The following NEGR1 variants were observed in gnomAD, a reference collection of about 807,000 sequenced individuals.
NEGR1 encodes the protein neuronal growth regulator 1, also known as IgLON family member 4.
NEGR1 carries 10 observed loss-of-function variants against 40.9 expected under a neutral mutation model. The ratio of observed to expected loss-of-function variants is 0.24; its 90% confidence interval spans 0.15 to 0.42. NEGR1 has a LOEUF of 0.42. NEGR1 is among the 10% of genes least tolerant of loss of function. The pLI, the probability that NEGR1 is intolerant of heterozygous loss-of-function variation, is 1.00. For synonymous variants in NEGR1, 185 were observed against 166.8 expected (o/e 1.11, Z -0.84); for missense variants, 352 against 438.9 (o/e 0.80, Z 1.77).
At chr1:71,529,338 T>A (rs892415212) in intron 6 of NEGR1, among the ~76,000 whole-genome samples, 2 of 151,224 alleles carry the variant, frequency 1.3e-5, no homozygotes, top group African/African-American at 4.8e-5. Context: ...GAGATAATTA[T>A]GACCTAGGAA....
At chr1:71,910,621 T>A (rs980593770) in intron 2 of NEGR1, among the ~76,000 whole-genome samples, 1 of 152,160 alleles carries the variant, frequency 6.6e-6, no homozygotes, top group African/African-American at 2.4e-5. Context: ...GTTACATTTG[T>A]TTATCTGGCA....
intron 4 of NEGR1, among the ~76,000 whole-genome samples, chr1:71,623,495 T>C (rs1240467835): frequency 6.6e-6 from 1 of 151,942 alleles, no homozygotes; most frequent in East Asian, 1.9e-4. Context: ...CATGAACTTA[T>C]GAACAAGGGG....
At chr1:71,923,771 CCTT>C (rs1339808998) in intron 2 of NEGR1, among the ~76,000 whole-genome samples, 1 of 152,132 alleles carries the variant, frequency 6.6e-6, no homozygotes, top group Non-Finnish European at 1.5e-5. Flanking sequence ...TAGGTTGAGT[CCTT>C]CTTCAGCACA....
At chr1:71,788,205 T>C (rs1045907310) in intron 2 of NEGR1, among the ~76,000 whole-genome samples, 4 of 152,128 alleles carry the variant, frequency 2.6e-5, no homozygotes, top group African/African-American at 9.7e-5. Context: ...CATGCAGCTA[T>C]GTGCCAAGAG....
intron 1 of NEGR1, among the ~76,000 whole-genome samples, chr1:72,021,289 A>C (rs1646754072): frequency 6.6e-6 from 1 of 152,172 alleles, no homozygotes; most frequent in Admixed American, 6.5e-5. Flanking sequence ...TATTTAACTT[A>C]GGAAAAATTA....
At chr1:71,505,628 G>T (rs1647027644) in intron 6 of NEGR1, among the ~76,000 whole-genome samples, 1 of 152,206 alleles carries the variant, frequency 6.6e-6, no homozygotes, top group Non-Finnish European at 1.5e-5. Context: ...AAGTGGTTCA[G>T]TGTGGTGGAT....
intron 1 of NEGR1, among the ~76,000 whole-genome samples, chr1:71,980,898 G>T (rs866681795): frequency 5.3e-5 from 8 of 151,818 alleles, no homozygotes; most frequent in African/African-American, 7.3e-5. Flanking sequence ...TCTTTATTTG[G>T]CTTCCTCTTT....
At chr1:72,158,531 A>G (rs751457785) in intron 1 of NEGR1, among the ~76,000 whole-genome samples, 65 of 152,222 alleles carry the variant, frequency 4.3e-4, no homozygotes, top group Non-Finnish European at 7.6e-4. Context: ...TGGCCCAACC[A>G]GCTCCACTCA....
chr1:71,820,196 A>C (rs1001557524), intron 2 of NEGR1, among the ~76,000 whole-genome samples: 2 of 152,040 alleles, frequency 1.3e-5, no homozygotes, highest in African/African-American at 4.8e-5. Context: ...CAAAATAAAC[A>C]GACTGCCAAC....
At chr1:72,135,823 T>C (rs746269495) in intron 1 of NEGR1, among the ~76,000 whole-genome samples, 1 of 152,204 alleles carries the variant, frequency 6.6e-6, no homozygotes, top group Non-Finnish European at 1.5e-5. Context: ...ATACCTGGTA[T>C]CACATCTACA....
intron 5 of NEGR1, among the ~76,000 whole-genome samples, chr1:71,606,416 T>C (rs1331601437): frequency 6.6e-6 from 1 of 152,110 alleles, no homozygotes; most frequent in African/African-American, 2.4e-5. Context: ...AGACCCGGAG[T>C]GATAACCATC....
intron 6 of NEGR1, among the ~76,000 whole-genome samples, chr1:71,449,619 A>G (rs1646609897): frequency 6.6e-6 from 1 of 152,246 alleles, no homozygotes; most frequent in Non-Finnish European, 1.5e-5. Flanking sequence ...ATTATGTGCT[A>G]GTGTCATTTG....
chr1:71,572,919 C>T (rs1648852024), intron 6 of NEGR1, among the ~76,000 whole-genome samples: 1 of 152,128 alleles, frequency 6.6e-6, no homozygotes, highest in Non-Finnish European at 1.5e-5. Context: ...ATCTTGAAAG[C>T]AATTTTCAGT....
intron 3 of NEGR1, among the ~76,000 whole-genome samples, chr1:71,718,107 G>A (rs1002171810): frequency 3.3e-5 from 5 of 152,220 alleles, no homozygotes; most frequent in South Asian, 2.1e-4. Flanking sequence ...TTGTAAAGGC[G>A]AATCATGGCT....
At chr1:71,943,095 CAT>C (rs1252192725) in intron 1 of NEGR1, among the ~76,000 whole-genome samples, 2 of 142,682 alleles carry the variant, frequency 1.4e-5, no homozygotes, top group African/African-American at 5.1e-5. Flanking sequence ...TACACACATA[CAT>C]ATATATGTAT....
chr1:72,094,190 A>G (rs777045956), intron 1 of NEGR1, among the ~76,000 whole-genome samples: 2 of 152,156 alleles, frequency 1.3e-5, no homozygotes, highest in Non-Finnish European at 2.9e-5. Context: ...TAAGCTCACA[A>G]ATGAATTCCT....
intron 3 of NEGR1, among the ~76,000 whole-genome samples, chr1:71,766,490 G>A (rs1378297990): frequency 6.6e-6 from 1 of 152,176 alleles, no homozygotes; most frequent in African/African-American, 2.4e-5. Context: ...CACATGTTTA[G>A]CTTCAGAGCC....
intron 6 of NEGR1, among the ~76,000 whole-genome samples, chr1:71,546,317 T>C (rs1457977419): frequency 6.6e-6 from 1 of 151,732 alleles, no homozygotes; most frequent in African/African-American, 2.4e-5. Flanking sequence ...ATTTATCTAT[T>C]CAAAAGTTGA....
At chr1:71,575,989 A>C (rs1006326505) in intron 6 of NEGR1, among the ~76,000 whole-genome samples, 1 of 152,146 alleles carries the variant, frequency 6.6e-6, no homozygotes, top group Admixed American at 6.5e-5. Flanking sequence ...CCCAGTCTGC[A>C]GCGGTACAAA....
Sources: allele counts gnomAD v4.1 joint callset (sites outside exome capture counted in the v4.1 genomes callset), GRCh38; gene constraint gnomAD v4.1.1; transcripts MANE v1.5; gene names NCBI Gene and HGNC (gene_info 2026-07-23, HGNC 2026-07-21).